CNTNAP5: variants seen among roughly 807,000 people sequenced by gnomAD.
CNTNAP5 encodes contactin associated protein family member 5.
A neutral mutation model predicts 150.2 loss-of-function variants in CNTNAP5; 72 were observed. The observed-to-expected ratio is 0.48, with a 90% CI of 0.40 to 0.58. The LOEUF (loss-of-function observed/expected upper bound fraction) is 0.58. Ranked by LOEUF, CNTNAP5 falls within the 20% of genes least tolerant of loss-of-function variation. The pLI is 0.00. For synonymous variants in CNTNAP5, 672 were observed against 619.8 expected, an observed-to-expected ratio of 1.08 and a Z score of -1.25; for missense variants, 1,636 against 1,626.2, an observed-to-expected ratio of 1.01 and a Z score of -0.10.
At chr2:124,695,075 C>T (rs1679378665) in intron 13 of CNTNAP5, among the ~76,000 whole-genome samples, 1 of 151,860 alleles carries the variant, frequency 6.6e-6, no homozygotes, top group East Asian at 1.9e-4. Flanking sequence ...ATCTATATTA[C>T]TAGTATTTTC....
At chr2:124,453,985 C>A (rs1234318833) in intron 6 of CNTNAP5, among the ~76,000 whole-genome samples, 4 of 151,810 alleles carry the variant, frequency 2.6e-5, no homozygotes, top group East Asian at 3.9e-4. Flanking sequence ...ATTGAAAAAA[C>A]AAAAACAAAA....
chr2:124,087,277 C>T (rs953700254), intron 1 of CNTNAP5, among the ~76,000 whole-genome samples: 4 of 151,772 alleles, frequency 2.6e-5, no homozygotes, highest in African/African-American at 9.7e-5. Flanking sequence ...TACTGTGTTC[C>T]TTCTACCTTC....
intron 3 of CNTNAP5, among the ~76,000 whole-genome samples, chr2:124,392,126 T>C (rs995059187): frequency 6.6e-6 from 1 of 151,972 alleles, no homozygotes; most frequent in Non-Finnish European, 1.5e-5. Context: ...GCCCAGAAAA[T>C]TTAAATTGAG....
intron 19 of CNTNAP5, among the ~76,000 whole-genome samples, chr2:124,806,646 G>T (rs1473487335): frequency 6.6e-6 from 1 of 152,206 alleles, no homozygotes; most frequent in Admixed American, 6.5e-5. Context: ...GCTGTACTGT[G>T]AGAATCAGAA....
intron 3 of CNTNAP5, among the ~76,000 whole-genome samples, chr2:124,265,405 A>T (rs1280351244): frequency 6.6e-6 from 1 of 152,108 alleles, no homozygotes; most frequent in African/African-American, 2.4e-5. Context: ...TAATGGGGTC[A>T]TTATCGCCCC....
chr2:124,152,697 C>G (rs1238048481), intron 1 of CNTNAP5, among the ~76,000 whole-genome samples: 2 of 152,122 alleles, frequency 1.3e-5, no homozygotes, highest in African/African-American at 4.8e-5. Context: ...AAGGCGATGT[C>G]ACAGCCAGTG....
intron 13 of CNTNAP5, among the ~76,000 whole-genome samples, chr2:124,696,009 G>T (rs948662418): frequency 2.6e-5 from 4 of 152,158 alleles, no homozygotes; most frequent in African/African-American, 2.4e-5. Context: ...AAGAGGTGGA[G>T]TCAGAATGTC....
chr2:124,797,769 C>T (rs1573623953), intron 18 of CNTNAP5, among the ~76,000 whole-genome samples: 1 of 152,132 alleles, frequency 6.6e-6, no homozygotes, highest in South Asian at 2.1e-4. Context: ...ATCTTTGCTT[C>T]TCAGGAAATT....
At chr2:124,611,395 T>C (rs368662839) in intron 12 of CNTNAP5, among the ~76,000 whole-genome samples, 1 of 152,350 alleles carries the variant, frequency 6.6e-6, no homozygotes, top group South Asian at 2.1e-4. Flanking sequence ...TGACCTGGCA[T>C]TGGGTGCCAC....
chr2:124,465,476 T>C (rs1025295150), intron 6 of CNTNAP5, among the ~76,000 whole-genome samples: 3 of 152,116 alleles, frequency 2.0e-5, no homozygotes, highest in Admixed American at 6.6e-5. Context: ...AGAGACCGAA[T>C]TGCCAAAAAA....
At position 124,213,901 on chromosome 2, in the gene CNTNAP5, T is replaced by C. The variant is rs116477536; in HGVS notation, c.83-7804T>C. ...TCATTGTGGGGCATCCGTGTACAGATGCTCTTGAAATTCAAGAAGGAAAGA... is the reference window on the plus strand; with the variant it reads ...TCATTGTGGGGCATCCGTGTACAGACGCTCTTGAAATTCAAGAAGGAAAGA... On this transcript the variant is annotated intron_variant, in intron 1 of 23. Coordinates refer to ENST00000682447, the MANE Select transcript of CNTNAP5 (RefSeq NM_001367498.1). Among the ~76,000 whole-genome samples the C allele has an allele frequency of 4.1e-3, 631 of 152,288 alleles. 3 individuals carry two copies. The highest frequency in any genetic ancestry group is 0.014 in the African/African-American group (592 of 41,554).
rs578046456 is a variant in CNTNAP5 at position 124,456,640 on chromosome 2, G to A, written c.918+9703G>A. Reference sequence around the variant, plus strand: ...AGACTAAGCAAAAAACAAATCTGGAGGCATCACATTACCTGATTTCAAACT... The same window carrying A: ...AGACTAAGCAAAAAACAAATCTGGAAGCATCACATTACCTGATTTCAAACT... On this transcript the variant is annotated intron_variant, in intron 6 of 23. Coordinates refer to ENST00000682447, the MANE Select transcript of CNTNAP5 (RefSeq NM_001367498.1). Among the ~76,000 whole-genome samples the A allele has an allele frequency of 3.9e-5, 6 of 152,186 alleles. No individual in the cohort carries two copies. In the South Asian group the frequency reaches 8.3e-4, roughly 21 times the overall value.
At chr2:124,113,950 T>G (rs1001867414) in intron 1 of CNTNAP5, among the ~76,000 whole-genome samples, 3 of 151,972 alleles carry the variant, frequency 2.0e-5, no homozygotes, top group African/African-American at 7.2e-5. Flanking sequence ...TGTCTATTAC[T>G]AAGTTTCCAA....
chr2:124,629,646 A>G (rs1419755621), intron 12 of CNTNAP5, among the ~76,000 whole-genome samples: 1 of 152,074 alleles, frequency 6.6e-6, no homozygotes. Flanking sequence ...ATCACAACTA[A>G]TAGAACTAGA....
chr2:124,688,903 A>G (rs1468913556), intron 13 of CNTNAP5, among the ~76,000 whole-genome samples: 1 of 152,126 alleles, frequency 6.6e-6, no homozygotes, highest in African/African-American at 2.4e-5. Context: ...TAGCTGTAAA[A>G]CACGATAAAA....
intron 1 of CNTNAP5, among the ~76,000 whole-genome samples, chr2:124,045,544 G>T (rs978592867): frequency 6.6e-6 from 1 of 151,714 alleles, no homozygotes; most frequent in East Asian, 1.9e-4. Flanking sequence ...AGATCCACCC[G>T]ACTTGGCCTC....
chr2:124,722,200 C>T (rs1037452632), intron 13 of CNTNAP5, among the ~76,000 whole-genome samples: 1 of 152,108 alleles, frequency 6.6e-6, no homozygotes, highest in African/African-American at 2.4e-5. Flanking sequence ...CAAATTGCTA[C>T]ACTTCTTACA....
intron 22 of CNTNAP5, among the ~76,000 whole-genome samples, chr2:124,907,355 G>A (rs542878211): frequency 1.3e-5 from 2 of 151,876 alleles, no homozygotes; most frequent in Admixed American, 6.6e-5. Flanking sequence ...GTAATGAGGA[G>A]TTCTTATGGA....
chr2:124,795,457 C>T (rs1681824852), intron 18 of CNTNAP5, among the ~76,000 whole-genome samples: 1 of 152,164 alleles, frequency 6.6e-6, no homozygotes, highest in Admixed American at 6.5e-5. Flanking sequence ...GCTAACACAT[C>T]AAGCCCAAGG....
Sources: allele counts gnomAD v4.1 joint callset (sites outside exome capture counted in the v4.1 genomes callset), GRCh38; gene constraint gnomAD v4.1.1; transcripts MANE v1.5; gene names NCBI Gene and HGNC (gene_info 2026-07-23, HGNC 2026-07-21).